The following MGAM2 variants were observed in gnomAD, a reference collection of about 807,000 sequenced individuals.
MGAM2 encodes the protein probable maltase-glucoamylase 2.
In MGAM2, 98 loss-of-function variants were observed where a neutral mutation model predicts 96.1. That is an observed-to-expected ratio of 1.02 (90% CI 0.87 to 1.21). MGAM2 has a LOEUF of 1.21. Ranked by LOEUF, MGAM2 falls within the 50% of genes most tolerant of loss-of-function variation. MGAM2 has a pLI of 0.00. For missense variants in MGAM2, 2,055 were observed against 1,182.4 expected, an observed-to-expected ratio of 1.74 and a Z score of -10.82; for synonymous variants, 749 against 414.8, an observed-to-expected ratio of 1.81 and a Z score of -9.79.
chr7:142,175,861 T>G (rs1400089308), intron 32 of MGAM2, 81 bp downstream of exon 32: 2 of 661,860 alleles, frequency 3.0e-6, no homozygotes, highest in African/African-American at 3.6e-5. Context: ...GGAAACTGGA[T>G]GAAGGGTACC....
chr7:142,116,656 C>T (rs1817412826), intron 1 of MGAM2, among the ~76,000 whole-genome samples: 1 of 152,010 alleles, frequency 6.6e-6, no homozygotes, highest in Admixed American at 6.5e-5. Flanking sequence ...CCTCTACATG[C>T]AAAAAAGGCA....
chr7:142,128,836 G>A (rs943752217), intron 3 of MGAM2, among the ~76,000 whole-genome samples: 16 of 152,218 alleles, frequency 1.1e-4, no homozygotes, highest in East Asian at 5.8e-4. Context: ...AGGGCAGTGC[G>A]GAAGGGAAAT....
chr7:142,124,034 G>T (rs552007473), intron 3 of MGAM2, among the ~76,000 whole-genome samples: 1 of 145,150 alleles, frequency 6.9e-6, no homozygotes, highest in Non-Finnish European at 1.5e-5. Context: ...GCGCAGAGGC[G>T]CAATCTTGGC....
intron 23 of MGAM2, among the ~76,000 whole-genome samples, chr7:142,163,340 G>C (rs1795943679): frequency 6.6e-6 from 1 of 152,150 alleles, no homozygotes; most frequent in African/African-American, 2.4e-5. Context: ...GGAGTGCAAG[G>C]GCACGATCTC....
chr7:142,138,862 G>T (rs1795134651), intron 10 of MGAM2, among the ~76,000 whole-genome samples, 195 bp downstream of exon 10: 1 of 152,174 alleles, frequency 6.6e-6, no homozygotes, highest in African/African-American at 2.4e-5. Context: ...TGATAGAGGT[G>T]GCTTTGAATT....
chr7:142,123,963 CTTT>C (rs960655956), intron 3 of MGAM2, among the ~76,000 whole-genome samples: 93 of 98,050 alleles, frequency 9.5e-4, no homozygotes, highest in African/African-American at 4.7e-3. Flanking sequence ...AGTCCAGAAA[CTTT>C]TTTTTTTTTT....
intron 26 of MGAM2, among the ~76,000 whole-genome samples, chr7:142,168,713 T>C (rs1796103101): frequency 6.6e-6 from 1 of 152,222 alleles, no homozygotes; most frequent in African/African-American, 2.4e-5. Flanking sequence ...TTCCAGTAGA[T>C]GCATTTTTAA....
At chr7:142,124,602 G>T (rs569716092) in intron 3 of MGAM2, among the ~76,000 whole-genome samples, 2 of 151,986 alleles carry the variant, frequency 1.3e-5, no homozygotes, top group African/African-American at 2.4e-5. Flanking sequence ...ATACCAGCCT[G>T]CCAGTTTTCT....
Position 142,220,094 on chromosome 7 carries a change from AACC to A in MGAM2, c.5586_5588del (p.Thr1863del), listed in dbSNP as rs1237031258. ...GCACTACTGATACTGTTCCTATCAC[AACC>A]ACATCTTTCCCAAGTACTACTAGTG... On this transcript the variant is annotated inframe_deletion, in exon 48 of 48. Transcript: ENST00000477922. 8.5e-6 allele frequency: 6 copies of A among 702,798 alleles called. No homozygotes were observed. The highest frequency in any genetic ancestry group is 1.6e-5 in the Non-Finnish European group (6 of 384,940). The allele number at this position is 702,798 out of a possible 1,614,324, so 43.5% of individuals were successfully genotyped here.
chr7:142,120,138 T>C (rs932782779), intron 2 of MGAM2, among the ~76,000 whole-genome samples, 164 bp from the exon 3 acceptor site: 7 of 152,214 alleles, frequency 4.6e-5, no homozygotes, highest in African/African-American at 1.7e-4. Flanking sequence ...CAAATATAGA[T>C]ACCAGTTTGG....
chr7:142,211,949 G>T (rs191223959), intron 46 of MGAM2, among the ~76,000 whole-genome samples: 1 of 152,164 alleles, frequency 6.6e-6, no homozygotes, highest in Non-Finnish European at 1.5e-5. Context: ...GAGGAAGGTT[G>T]GGTTACCCAC....
At position 142,186,130 on chromosome 7, in the gene MGAM2, G is replaced by T; in HGVS notation, c.4122+7G>T. On this transcript the variant is annotated splice_region_variant and intron_variant, in intron 35 of 47. Coordinates refer to ENST00000477922, the MANE Select transcript of MGAM2 (RefSeq NM_001293626.2). ...GTTTGATGGATTGTGGATTGTAAGT[G>T]CACCCTTGGTTGTCTTTTTTTTTTT... The T allele has an allele frequency of 1.4e-6, 1 of 693,800 alleles. No homozygotes were observed. 43.0% of individuals were successfully genotyped at this position (693,800 alleles called of 1,614,324 possible).
At position 142,196,800 on chromosome 7, in the gene MGAM2, A is replaced by G; in HGVS notation, c.4616A>G (p.Asn1539Ser). Reference protein sequence around the residue: ...GAFYPFSRNHNNIGTRRQDPV... With the variant: ...GAFYPFSRNHSNIGTRRQDPV... The stretch of plus-strand genomic sequence containing the variant: ...TTTTATCCATTTTCCAGAAACCACA[A>G]CAACATCGGGACAAGGGTGAGGCAG... The change falls in exon 40 of 48, where the codon AAC becomes AGC. Residue 1539 changes from asparagine (N) to serine (S), a missense_variant. Transcript: ENST00000477922. 1.3e-6 allele frequency: 1 copy of G among 781,366 alleles called. No homozygotes were observed. The highest frequency in any genetic ancestry group is 2.4e-6 in the Non-Finnish European group (1 of 419,290). 48.4% of individuals were successfully genotyped at this position (781,366 alleles called of 1,614,324 possible).
intron 17 of MGAM2, among the ~76,000 whole-genome samples, chr7:142,157,470 C>T (rs1401784701): frequency 8.6e-5 from 13 of 151,628 alleles, no homozygotes; most frequent in Non-Finnish European, 1.5e-5. Flanking sequence ...CAGCTCACTG[C>T]AACCTCCAAC....
chr7:142,161,165 A>G lies in MGAM2; in HGVS notation c.2386A>G (p.Lys796Glu), dbSNP rs1027561268. Residue 796 changes from lysine to glutamate, a missense_variant, in exon 22 of 48, where the codon AAG becomes GAG. Coordinates refer to ENST00000477922, the MANE Select transcript of MGAM2 (RefSeq NM_001293626.2). ...SLGLIIALDY[K>E]REAKGELYWD... ...GGGACTCATCATCGCCTTGGACTAT[A>G]AGAGAGAAGCAAAGGGGGAGCTGTA... 1 of 702,694 alleles carries G rather than the reference A, an allele frequency of 1.4e-6. No homozygotes were observed. The highest frequency in any genetic ancestry group is 1.7e-5 in the African/African-American group (1 of 57,242). 43.5% of individuals were successfully genotyped at this position (702,694 alleles called of 1,614,324 possible).
chr7:142,140,839 A>G lies in MGAM2; in HGVS notation c.1124A>G (p.Lys375Arg), dbSNP rs752502800. Residue 375 changes from lysine (K) to arginine (R), a missense_variant, in exon 11 of 48, where the codon AAG (lysine) becomes AGG (arginine). Coordinates refer to ENST00000477922, the MANE Select transcript of MGAM2 (RefSeq NM_001293626.2). ...QYSDIDYMDGKKDFTVDEVAY... is the reference protein window; with the variant it reads ...QYSDIDYMDGRKDFTVDEVAY... ...TCTGACATAGACTACATGGATGGAAAGAAGGATTTCACTGTTGATGAAGTC... is the reference window on the plus strand; with the variant it reads ...TCTGACATAGACTACATGGATGGAAGGAAGGATTTCACTGTTGATGAAGTC... 1.8e-5 allele frequency: 13 copies of G among 702,898 alleles called. No individual in the cohort carries two copies. The African/African-American group carries it at 2.3e-4, about 12-fold the overall frequency. 43.5% of individuals were successfully genotyped at this position (702,898 alleles called of 1,614,324 possible). A position where few individuals can be genotyped will look rare whatever the true frequency, so the allele number is the denominator to read the frequency against.
intron 17 of MGAM2, among the ~76,000 whole-genome samples, chr7:142,156,238 G>T (rs1795733899): frequency 6.6e-6 from 1 of 151,916 alleles, no homozygotes; most frequent in African/African-American, 2.4e-5. Flanking sequence ...ATATGTGTGT[G>T]TGTGTCTGTA....
At chr7:142,128,943 T>G (rs906623725) in intron 3 of MGAM2, among the ~76,000 whole-genome samples, 1 of 152,132 alleles carries the variant, frequency 6.6e-6, no homozygotes, top group African/African-American at 2.4e-5. Flanking sequence ...GAATGGTAGA[T>G]CCACTGATGG....
Position 142,175,784 on chromosome 7 carries a change from T to G in MGAM2, c.3816+4T>G. 2 of 702,696 alleles carry G rather than the reference T, an allele frequency of 2.8e-6. No homozygotes were observed. Among genetic ancestry groups the G allele is most frequent in the Non-Finnish European group, 5.2e-6 (2 of 384,880 alleles). The allele number at this position is 702,696 out of a possible 1,614,324, so 43.5% of individuals were successfully genotyped here. On this transcript the variant is annotated splice_donor_region_variant and intron_variant, in intron 32 of 47. Transcript: ENST00000477922. ...CATGAGATTTATTCTCATTTTGGTA[T>G]GTATTGAGACAGATCAGATCCTACT...
Sources: allele counts gnomAD v4.1 joint callset (sites outside exome capture counted in the v4.1 genomes callset), GRCh38; gene constraint gnomAD v4.1.1; transcripts MANE v1.5; gene names NCBI Gene and HGNC (gene_info 2026-07-23, HGNC 2026-07-21).